The following CALN1 variants were observed in gnomAD, a reference collection of about 807,000 sequenced individuals.
The protein encoded by CALN1 is calneuron 1, also known as calcium-binding protein 8.
In CALN1, 17 loss-of-function variants were observed where a neutral mutation model predicts 30.6. That is an observed-to-expected ratio of 0.56 (90% confidence interval 0.38 to 0.83). CALN1 has a LOEUF of 0.83. Ranked by LOEUF, CALN1 falls within the 40% of genes least tolerant of loss-of-function variation. The pLI is 0.00. For synonymous variants in CALN1, 156 were observed against 131.4 expected (o/e 1.19, Z -1.28); for missense variants, 291 against 354.9 (o/e 0.82, Z 1.45).
chr7:72,259,420 G>T (rs150786553), intron 3 of CALN1, among the ~76,000 whole-genome samples: 2 of 151,992 alleles, frequency 1.3e-5, no homozygotes, highest in African/African-American at 4.8e-5. Context: ...TGGTCTCAGC[G>T]GTTGTCACCA....
In CALN1 at chr7:72,295,031, G is replaced by C. The variant is rs181373753; in HGVS notation, c.120-16221C>G. ...GGTCTACCACAGTTGAATTTAAGTA[G>C]AGACAATAATGAAAGTCAATACTTT... On this transcript the variant is annotated intron_variant, in intron 2 of 6. Coordinates refer to ENST00000395275, the MANE Select transcript of CALN1 (RefSeq NM_031468.4). Among the ~76,000 whole-genome samples the C allele has an allele frequency of 3.0e-3, 397 of 132,428 alleles. 1 individual carries two copies. The highest frequency in any genetic ancestry group is 9.6e-3 in the African/African-American group (389 of 40,464). The allele number at this position is 132,428 out of a possible 152,430, so 86.9% of individuals were successfully genotyped here.
chr7:72,080,962 C>T (rs1247115953), intron 4 of CALN1, among the ~76,000 whole-genome samples: 1 of 152,098 alleles, frequency 6.6e-6, no homozygotes, highest in Non-Finnish European at 1.5e-5. Flanking sequence ...ATCCAGTGAC[C>T]TTCTTAAAGC....
At chr7:72,252,553 G>A (rs1215914977) in intron 3 of CALN1, among the ~76,000 whole-genome samples, 3 of 151,566 alleles carry the variant, frequency 2.0e-5, no homozygotes, top group Non-Finnish European at 4.4e-5. Flanking sequence ...AGGTTGCAGT[G>A]GGCTGTGATC....
chr7:72,297,573 T>C lies in CALN1; in HGVS notation c.120-18763A>G, dbSNP rs374333310. ...TTTTAGCGAAAACAAGATGATTTAA[T>C]ATTATTCACACTTATTGAAAACCTT... On this transcript the variant is annotated intron_variant, in intron 2 of 6. Transcript: ENST00000395275. 1.6e-3 allele frequency among the ~76,000 whole-genome samples: 242 copies of C among 152,336 alleles called. 1 individual carries two copies. Among genetic ancestry groups the C allele is most frequent in the African/African-American group, 5.6e-3 (232 of 41,590 alleles).
chr7:72,101,109 A>G (rs1025019123), intron 4 of CALN1, among the ~76,000 whole-genome samples: 1 of 151,878 alleles, frequency 6.6e-6, no homozygotes, highest in Admixed American at 6.6e-5. Context: ...GATTACAGGC[A>G]CATGGTACCA....
intron 2 of CALN1, among the ~76,000 whole-genome samples, chr7:72,393,951 AATC>A (rs1446685400): frequency 6.6e-6 from 1 of 152,118 alleles, no homozygotes; most frequent in African/African-American, 2.4e-5. Flanking sequence ...CATTGATGTT[AATC>A]ATCAAGTTGT....
At chr7:72,084,469 C>CT (rs1226733594) in intron 4 of CALN1, among the ~76,000 whole-genome samples, 1 of 151,268 alleles carries the variant, frequency 6.6e-6, no homozygotes, top group African/African-American at 2.4e-5. Context: ...AGCAATTCTC[C>CT]TGCCTCGGCC....
chr7:72,251,928 G>T (rs1357268371), intron 3 of CALN1, among the ~76,000 whole-genome samples: 1 of 152,066 alleles, frequency 6.6e-6, no homozygotes, highest in African/African-American at 2.4e-5. Context: ...CTCACAATAG[G>T]AAGTTTAATT....
chr7:71,877,476 G>T (rs1327597861), intron 5 of CALN1, among the ~76,000 whole-genome samples: 3 of 151,930 alleles, frequency 2.0e-5, no homozygotes, highest in Non-Finnish European at 2.9e-5. Context: ...TAATAAAGTG[G>T]CTACATATAA....
chr7:71,877,547 T>G (rs951601880), intron 5 of CALN1, among the ~76,000 whole-genome samples: 1 of 151,798 alleles, frequency 6.6e-6, no homozygotes, highest in African/African-American at 2.4e-5. Context: ...AATCTAGAAA[T>G]GGAATAGAAA....
the CALN1 span, among the ~76,000 whole-genome samples, chr7:72,472,409 A>G: frequency 2.0e-5 from 3 of 152,010 alleles, no homozygotes; most frequent in African/African-American, 4.8e-5. Context: ...ATGTCCCAAC[A>G]CTTCTCATTC....
intron 3 of CALN1, 32 bp from the exon 4 acceptor site, chr7:72,106,326 T>C (rs746891001): frequency 9.3e-6 from 15 of 1,612,526 alleles, no homozygotes; most frequent in Middle Eastern, 1.7e-4. Context: ...AGTCCAGTGG[T>C]CACATGGCTG....
intron 3 of CALN1, among the ~76,000 whole-genome samples, chr7:72,123,868 G>A (rs1016000557): frequency 3.9e-5 from 6 of 152,002 alleles, no homozygotes; most frequent in Non-Finnish European, 8.8e-5. Flanking sequence ...TTTCTCTATC[G>A]AAATAAGTCT....
At chr7:72,099,771 C>T (rs960432572) in intron 4 of CALN1, among the ~76,000 whole-genome samples, 1 of 151,660 alleles carries the variant, frequency 6.6e-6, no homozygotes, top group Non-Finnish European at 1.5e-5. Context: ...AGCTGAGCTT[C>T]AAAAATAAAT....
chr7:72,181,214 G>A (rs958117297), intron 3 of CALN1, among the ~76,000 whole-genome samples: 5 of 146,000 alleles, frequency 3.4e-5, no homozygotes, highest in Admixed American at 1.4e-4. Flanking sequence ...AAACTTATTG[G>A]AATATATATA....
At chr7:72,398,321 G>A (rs747096700) in intron 2 of CALN1, among the ~76,000 whole-genome samples, 6 of 152,206 alleles carry the variant, frequency 3.9e-5, no homozygotes, top group Non-Finnish European at 7.3e-5. Flanking sequence ...GAAAACTAGA[G>A]AGAAAAGTTC....
intron 5 of CALN1, among the ~76,000 whole-genome samples, chr7:71,934,763 A>C (rs901475769): frequency 6.6e-6 from 1 of 152,186 alleles, no homozygotes; most frequent in South Asian, 2.1e-4. Context: ...GTAATTTATA[A>C]AGAAAAAGAG....
At chr7:72,338,525 G>GTGTGTGTGTGTCTGTCTGTCTTTC in intron 2 of CALN1, among the ~76,000 whole-genome samples, 23 of 122,376 alleles carry the variant, frequency 1.9e-4, no homozygotes, top group African/African-American at 6.5e-4. Context: ...GTGTGTGTGT[G>GTGTGTGTGTGTCTGTCTGTCTTTC]TGTCTCACCT....
At chr7:72,130,409 G>A (rs1248433601) in intron 3 of CALN1, among the ~76,000 whole-genome samples, 2 of 152,044 alleles carry the variant, frequency 1.3e-5, no homozygotes, top group African/African-American at 2.4e-5. Context: ...ATTTACTTAT[G>A]AAAAAAAGAA....
Sources: allele counts gnomAD v4.1 joint callset (sites outside exome capture counted in the v4.1 genomes callset), GRCh38; gene constraint gnomAD v4.1.1; transcripts MANE v1.5; gene names NCBI Gene and HGNC (gene_info 2026-07-23, HGNC 2026-07-21).